WDR1: variants seen among roughly 807,000 people sequenced by gnomAD.
WDR1 encodes WD repeat domain 1, also known as WD repeat-containing protein 1.
A neutral mutation model predicts 71.9 loss-of-function variants in WDR1; 21 were observed. That is an observed-to-expected ratio of 0.29 (90% CI 0.21 to 0.42). The LOEUF is 0.42. WDR1 is among the 10% of genes least tolerant of loss of function. WDR1 has a pLI of 1.00. For synonymous variants in WDR1, 424 were observed against 347.4 expected (o/e 1.22, Z -2.45); for missense variants, 696 against 824.5 (o/e 0.84, Z 1.91).
At chr4:10,092,508 G>A (rs1374363717) in intron 5 of WDR1, 1 of 155,256 alleles carries the variant, frequency 6.4e-6, no homozygotes, top group Non-Finnish European at 1.4e-5. Context: ...CTGGCAGGGT[G>A]GTGTCATGTG....
chr4:10,079,798 T>G (rs1427336360), intron 11 of WDR1, among the ~76,000 whole-genome samples: 1 of 152,216 alleles, frequency 6.6e-6, no homozygotes, highest in Non-Finnish European at 1.5e-5. Flanking sequence ...AGCAGCACCC[T>G]GACTAAAACC....
chr4:10,079,951 C>T (rs2109638654), intron 11 of WDR1, among the ~76,000 whole-genome samples: 1 of 151,848 alleles, frequency 6.6e-6, no homozygotes, highest in South Asian at 2.1e-4. Context: ...GATCTAAAAT[C>T]CCAGGCCCCT....
intron 6 of WDR1, 52 bp downstream of exon 6, chr4:10,088,612 G>C (rs558535212): frequency 2.0e-6 from 3 of 1,471,084 alleles, no homozygotes; most frequent in Non-Finnish European, 2.8e-6. Context: ...GAGCAGTCAC[G>C]GGAGCAGGCA....
At chr4:10,083,575 C>T (rs549957697) in intron 9 of WDR1, 4 of 476,688 alleles carry the variant, frequency 8.4e-6, no homozygotes, top group African/African-American at 3.9e-5. Context: ...TCCTTGGGTC[C>T]CGGACAGTCC....
intron 2 of WDR1, chr4:10,106,438 G>A (rs1168195533): frequency 6.6e-6 from 1 of 152,272 alleles, no homozygotes; most frequent in African/African-American, 2.4e-5. Context: ...CAGCTGACTG[G>A]GGATGGGGGA....
intron 8 of WDR1, 56 bp from the exon 9 acceptor site, chr4:10,084,586 C>A (rs1243529410): frequency 1.5e-5 from 23 of 1,538,472 alleles, no homozygotes; most frequent in Non-Finnish European, 2.0e-5. Context: ...CTGCCCTCTG[C>A]CACCCGCTTT....
intron 2 of WDR1, among the ~76,000 whole-genome samples, chr4:10,108,015 C>T (rs1023141587): frequency 1.3e-5 from 2 of 152,216 alleles, no homozygotes; most frequent in African/African-American, 4.8e-5. Flanking sequence ...AATAGCTGGT[C>T]TTTTTCTGAG....
chr4:10,075,803 T>C (rs1764779381), intron 14 of WDR1: 1 of 439,800 alleles, frequency 2.3e-6, no homozygotes, highest in Non-Finnish European at 4.2e-6. Context: ...GAAATAACAA[T>C]GTCTTCTTAT....
chr4:10,113,198 A>G (rs936777104), intron 2 of WDR1, among the ~76,000 whole-genome samples: 1 of 152,114 alleles, frequency 6.6e-6, no homozygotes, highest in African/African-American at 2.4e-5. Context: ...GTTACCTACT[A>G]AAAAATACAA....
intron 2 of WDR1, among the ~76,000 whole-genome samples, chr4:10,105,913 C>A (rs1712984485): frequency 1.3e-5 from 2 of 152,208 alleles, no homozygotes; most frequent in South Asian, 4.1e-4. Context: ...CAACACACCG[C>A]ACTGCTTAGT....
At chr4:10,100,889 T>C (rs577993716) in intron 3 of WDR1, among the ~76,000 whole-genome samples, 161 of 152,298 alleles carry the variant, frequency 1.1e-3, no homozygotes, top group Non-Finnish European at 1.9e-3. Context: ...CATGCACACA[T>C]GTCCACACAT....
intron 5 of WDR1, chr4:10,093,129 GC>G: frequency 7.8e-7 from 1 of 1,289,316 alleles, no homozygotes; most frequent in Non-Finnish European, 1.0e-6. Context: ...AGCGCTGCAG[GC>G]CCCAGCTGGC....
At chr4:10,094,319 C>G (rs1712190169) in intron 5 of WDR1, among the ~76,000 whole-genome samples, 1 of 152,184 alleles carries the variant, frequency 6.6e-6, no homozygotes, top group Non-Finnish European at 1.5e-5. Flanking sequence ...TCCTAGACCA[C>G]CAAACCAACT....
At chr4:10,107,098 C>T (rs184608388) in intron 2 of WDR1, among the ~76,000 whole-genome samples, 27 of 152,292 alleles carry the variant, frequency 1.8e-4, no homozygotes, top group African/African-American at 6.0e-4. Context: ...TTCCAGGAGC[C>T]CCAGTGCTAC....
At chr4:10,098,887 G>T in intron 4 of WDR1, 105 bp downstream of exon 4, 1 of 1,521,228 alleles carries the variant, frequency 6.6e-7, no homozygotes, top group Non-Finnish European at 9.0e-7. Flanking sequence ...ACCCTCACGA[G>T]TGCAAGTTAG....
chr4:10,085,081 C>G (rs994809551), intron 8 of WDR1, among the ~76,000 whole-genome samples: 1 of 152,246 alleles, frequency 6.6e-6, no homozygotes, highest in Non-Finnish European at 1.5e-5. Flanking sequence ...ACCTCCCTGA[C>G]TGCTGCAGTG....
Position 10,087,723 on chromosome 4 carries a change from G to C in WDR1, c.935C>G (p.Pro312Arg). The C allele has an allele frequency of 6.3e-7, 1 of 1,596,014 alleles. No individual in the cohort carries two copies. Among genetic ancestry groups the C allele is most frequent in the Non-Finnish European group, 8.5e-7 (1 of 1,170,844 alleles). ...NYLDRNNPSK[P>R]LHVIKGHSKS... is the part of the protein sequence containing the mutation. Reference sequence around the variant, plus strand: ...AGGCCTTACCTTGATGACGTGCAGGGGCTTGCTGGGGTTGTTTCTGTCCAG... The same window carrying C: ...AGGCCTTACCTTGATGACGTGCAGGCGCTTGCTGGGGTTGTTTCTGTCCAG... Residue 312 changes from proline (P) to arginine (R), a missense_variant, in exon 8 of 15, where the codon CCC becomes CGC. Coordinates refer to ENST00000499869, the MANE Select transcript of WDR1 (RefSeq NM_017491.5).
At chr4:10,100,757 A>G (rs1181892982) in intron 3 of WDR1, among the ~76,000 whole-genome samples, 1 of 152,152 alleles carries the variant, frequency 6.6e-6, no homozygotes, top group Non-Finnish European at 1.5e-5. Context: ...TTCACTGATA[A>G]AACAGGCCGG....
At chr4:10,084,323 G>A (rs1765126136) in intron 9 of WDR1, 120 bp downstream of exon 9, 7 of 838,054 alleles carry the variant, frequency 8.4e-6, no homozygotes, top group Non-Finnish European at 9.9e-6. Context: ...GGTCAGAAGA[G>A]CGTGTGGCTG....
Sources: allele counts gnomAD v4.1 joint callset (sites outside exome capture counted in the v4.1 genomes callset), GRCh38; gene constraint gnomAD v4.1.1; transcripts MANE v1.5; gene names NCBI Gene and HGNC (gene_info 2026-07-23, HGNC 2026-07-21).